Variants in LRRC8A observed in about 807,000 individuals in gnomAD.
The protein encoded by LRRC8A is volume-regulated anion channel subunit LRRC8A.
In LRRC8A, 24 loss-of-function variants were observed where a neutral mutation model predicts 52.5. The ratio of observed to expected loss-of-function variants is 0.46; its 90% CI spans 0.33 to 0.64. The LOEUF is 0.64. Ranked by LOEUF, LRRC8A falls within the 30% of genes least tolerant of loss-of-function variation. LRRC8A has a pLI of 0.02. For synonymous variants in LRRC8A, 492 were observed against 494.2 expected (o/e 1.00, Z 0.06); for missense variants, 677 against 1,094.7 (o/e 0.62, Z 5.38).
chr9:128,904,284 C>T (rs1176500465), intron 2 of LRRC8A, among the ~76,000 whole-genome samples: 2 of 152,056 alleles, frequency 1.3e-5, no homozygotes, highest in African/African-American at 2.4e-5. Flanking sequence ...TGTGGGAGGC[C>T]GTGGCAGGTG....
At chr9:128,906,512 C>T (rs1211362000) in intron 2 of LRRC8A, among the ~76,000 whole-genome samples, 3 of 151,780 alleles carry the variant, frequency 2.0e-5, no homozygotes, top group Admixed American at 6.6e-5. Flanking sequence ...TAGTAGAGAC[C>T]GAGTTTCACC....
At position 128,908,399 on chromosome 9, in the gene LRRC8A, C is replaced by T. The variant is rs371265409; in HGVS notation, c.1235C>T (p.Thr412Met). The T allele has an allele frequency of 6.8e-6, 11 of 1,613,606 alleles. No individual in the cohort carries two copies. Among genetic ancestry groups the T allele is most frequent in the African/African-American group, 2.7e-5 (2 of 74,932 alleles). Residue 412 changes from threonine to methionine, a missense_variant, in exon 3 of 4, where the codon ACG becomes ATG. Thr to Met is a moderately conservative substitution (Grantham distance 81). Around this residue, in one of 4 missense-constraint regions of LRRC8A, gnomAD observed 422 missense variants for 741.5 expected, o/e 0.57. Coordinates refer to ENST00000372600, the MANE Select transcript of LRRC8A (RefSeq NM_019594.4). ...LRQLNLNNEWTLDKLRQRLTK... is the reference protein window; with the variant it reads ...LRQLNLNNEWMLDKLRQRLTK... ...CAGCTGAACCTCAACAACGAGTGGA[C>T]GCTGGACAAGCTCCGGCAGCGGCTC...
At chr9:128,915,894 A>G (rs1840792875) in intron 3 of LRRC8A, among the ~76,000 whole-genome samples, 1 of 152,184 alleles carries the variant, frequency 6.6e-6, no homozygotes, top group South Asian at 2.1e-4. Context: ...AGATCAGGGA[A>G]GGCTTCCTGG....
At chr9:128,900,250 C>G (rs796689552) in intron 2 of LRRC8A, among the ~76,000 whole-genome samples, 14 of 152,376 alleles carry the variant, frequency 9.2e-5, no homozygotes, top group African/African-American at 3.4e-4. Flanking sequence ...CCCACCCCAC[C>G]TTGTCCCCTT....
chr9:128,890,656 G>C (rs1839579611), intron 2 of LRRC8A, among the ~76,000 whole-genome samples: 1 of 152,188 alleles, frequency 6.6e-6, no homozygotes, highest in Admixed American at 6.5e-5. Context: ...CCCTCTGTCA[G>C]ACCCCCCAGT....
intron 2 of LRRC8A, among the ~76,000 whole-genome samples, chr9:128,900,351 G>C (rs1839978455): frequency 1.3e-5 from 2 of 152,212 alleles, no homozygotes; most frequent in Admixed American, 6.5e-5. Context: ...TAGGTGCTGA[G>C]GAGGTGGAAG....
intron 3 of LRRC8A, among the ~76,000 whole-genome samples, chr9:128,914,339 C>G (rs1271419221): frequency 6.6e-6 from 1 of 152,046 alleles, no homozygotes; most frequent in Non-Finnish European, 1.5e-5. Flanking sequence ...AGCAGGTGCC[C>G]GTGAGGTTGA....
chr9:128,913,436 A>C (rs1445484524), intron 3 of LRRC8A, among the ~76,000 whole-genome samples: 1 of 152,162 alleles, frequency 6.6e-6, no homozygotes. Flanking sequence ...ATTGGGAACC[A>C]ACTTCAAGCC....
Position 128,907,456 on chromosome 9 carries a change from A to G in LRRC8A, c.292A>G (p.Lys98Glu), listed in dbSNP as rs1283771961. The G allele has an allele frequency of 1.2e-6, 2 of 1,613,878 alleles. No homozygotes were observed. Among genetic ancestry groups the G allele is most frequent in the East Asian group, 4.5e-5 (2 of 44,882 alleles). Residue 98 changes from lysine to glutamate, a missense_variant, in exon 3 of 4, where the codon AAG becomes GAG. Around this residue, in one of 4 missense-constraint regions of LRRC8A, gnomAD observed 54 missense variants for 49.7 expected, o/e 1.09. Transcript: ENST00000372600. This position sits in a 1 kb window ranked among gnomAD's most constrained non-coding sequence, Gnocchi z 9.3. ...CCCTGACACGGGCCCCACAGGCATCAAGTATGACCTGGACCGGCACCAGTA... is the reference window on the plus strand; with the variant it reads ...CCCTGACACGGGCCCCACAGGCATCGAGTATGACCTGGACCGGCACCAGTA... The part of the protein sequence containing the change: ...PTPDTGPTGI[K>E]YDLDRHQYNY...
At chr9:128,896,428 A>C (rs1332036509) in intron 2 of LRRC8A, among the ~76,000 whole-genome samples, 2 of 152,250 alleles carry the variant, frequency 1.3e-5, no homozygotes, top group African/African-American at 4.8e-5. Context: ...TCTAAGATGC[A>C]TAAATAATGA....
rs148149724 is a variant in LRRC8A, at chr9:128,911,974, T to C, written c.2157+2653T>C. On this transcript the variant is annotated intron_variant, in intron 3 of 3. Coordinates refer to ENST00000372600, the MANE Select transcript of LRRC8A (RefSeq NM_019594.4). This position sits in a 1 kb window ranked among gnomAD's most constrained non-coding sequence, Gnocchi z 4.9. ...GTGACCAGGAGGGGTGGGCGTGGCC[T>C]GCCCACGCCCTTGCGTGCTGTTTCT... 4.6e-5 allele frequency among the ~76,000 whole-genome samples: 7 copies of C among 152,360 alleles called. No individual in the cohort carries two copies. In the East Asian group the frequency reaches 1.3e-3, roughly 29 times the overall value.
rs1362318282 is a variant in LRRC8A, at chr9:128,907,884, C to A, written c.720C>A (p.Ala240=). 3 of 1,613,962 alleles carry A rather than the reference C, an allele frequency of 1.9e-6. No individual in the cohort carries two copies. The South Asian group carries it at 3.3e-5, about 18-fold the overall frequency. ...GVLDKKEGEQ[A]KALFEKVKKF... is the part of the protein sequence containing the mutation. ...TGGACAAGAAGGAGGGGGAGCAAGC[C>A]AAGGCGCTGTTTGAGAAGGTGAAGA... The change falls in exon 3 of 4, where the codon GCC becomes GCA. Residue 240 remains alanine, a synonymous_variant. Coordinates refer to ENST00000372600, the MANE Select transcript of LRRC8A (RefSeq NM_019594.4). The surrounding 1 kb of genome is among the most constrained non-coding windows in gnomAD (Gnocchi z 9.3).
Position 128,908,807 on chromosome 9 carries a change from T to A in LRRC8A, c.1643T>A (p.Val548Glu). The A allele has an allele frequency of 1.2e-6, 2 of 1,613,492 alleles. No homozygotes were observed. The highest frequency in any genetic ancestry group is 1.7e-6 in the Non-Finnish European group (2 of 1,180,016). ...CTGCGGGAGCTCAAACGCCTCAAGG[T>A]GCTGCGGCTCAAGAGCAACCTAAGC... ...DGLRELKRLKVLRLKSNLSKL... is the reference protein window; with the variant it reads ...DGLRELKRLKELRLKSNLSKL... Residue 548 changes from valine (V) to glutamate (E), a missense_variant, in exon 3 of 4, where the codon GTG becomes GAG. This residue lies in a region of LRRC8A where 422 missense variants were observed against 741.5 expected (regional missense o/e 0.57). Coordinates refer to ENST00000372600, the MANE Select transcript of LRRC8A (RefSeq NM_019594.4).
chr9:128,906,489 A>G (rs1458775030), intron 2 of LRRC8A, among the ~76,000 whole-genome samples: 3 of 151,994 alleles, frequency 2.0e-5, no homozygotes, highest in Non-Finnish European at 2.9e-5. Context: ...CGCCAGGCTA[A>G]TTTTTGTATT....
At chr9:128,894,621 C>T (rs756221712) in intron 2 of LRRC8A, among the ~76,000 whole-genome samples, 3 of 151,226 alleles carry the variant, frequency 2.0e-5, no homozygotes, top group Non-Finnish European at 2.9e-5. Flanking sequence ...GGCAAAACCC[C>T]ATCTCTAGTA....
rs370156656 is a variant in LRRC8A at position 128,906,132 on chromosome 9, CAT to C, written c.-8-1024_-8-1023del. Among the ~76,000 whole-genome samples the C allele has an allele frequency of 9.2e-5, 14 of 152,224 alleles. No homozygotes were observed. The South Asian group carries it at 1.2e-3, about 14-fold the overall frequency. ...TCTTGTACACACATAACTATACACA[CAT>C]GTGGAATTTTGTTGTTGAAGCAGGG... is the stretch of plus-strand genomic sequence containing the variant. On this transcript the variant is annotated intron_variant, in intron 2 of 3. Transcript: ENST00000372600.
chr9:128,902,978 G>T lies in LRRC8A; in HGVS notation c.-8-4179G>T, dbSNP rs1840085499. ...TGCACTCCCAGTCCTGTTTCTCTTGGCACCGCCTGGGTGAGACCTTGGGCA... is the reference window on the plus strand; with the variant it reads ...TGCACTCCCAGTCCTGTTTCTCTTGTCACCGCCTGGGTGAGACCTTGGGCA... On this transcript the variant is annotated intron_variant, in intron 2 of 3. Coordinates refer to ENST00000372600, the MANE Select transcript of LRRC8A (RefSeq NM_019594.4). This position sits in a 1 kb window ranked among gnomAD's most constrained non-coding sequence, Gnocchi z 4.1. 6.6e-6 allele frequency among the ~76,000 whole-genome samples: 1 copy of T among 152,172 alleles called. No individual in the cohort carries two copies. Among genetic ancestry groups the T allele is most frequent in the African/African-American group, 2.4e-5 (1 of 41,438 alleles).
Position 128,907,268 on chromosome 9 carries a change from T to G in LRRC8A, c.104T>G (p.Met35Arg). 6.2e-7 allele frequency: 1 copy of G among 1,614,108 alleles called. No individual in the cohort carries two copies. Among genetic ancestry groups the G allele is most frequent in the Non-Finnish European group, 8.5e-7 (1 of 1,180,030 alleles). ...TTCACAGACTACATCTCTATCGTCA[T>G]GCTGATGATTGCCGTCTTCGGGGGG... is the stretch of plus-strand genomic sequence containing the variant. The part of the protein sequence containing the change: ...DVFTDYISIV[M>R]LMIAVFGGTL... The change falls in exon 3 of 4, where the codon ATG (methionine) becomes AGG (arginine). Residue 35 changes from methionine to arginine, a missense_variant. Met to Arg is a moderately conservative substitution (Grantham distance 91). Around this residue, in one of 4 missense-constraint regions of LRRC8A, gnomAD observed 32 missense variants for 86.0 expected, o/e 0.37. Coordinates refer to ENST00000372600, the MANE Select transcript of LRRC8A (RefSeq NM_019594.4). The surrounding 1 kb of genome is among the most constrained non-coding windows in gnomAD (Gnocchi z 9.3).
At chr9:128,887,889 G>T (rs1289608914) in intron 2 of LRRC8A, among the ~76,000 whole-genome samples, 1 of 152,152 alleles carries the variant, frequency 6.6e-6, no homozygotes, top group South Asian at 2.1e-4. Context: ...GTGATCCGCC[G>T]CCTTGGCCTC....
Sources: allele counts gnomAD v4.1 joint callset (sites outside exome capture counted in the v4.1 genomes callset), GRCh38; gene constraint gnomAD v4.1.1; regional missense constraint gnomAD v4.1.1; non-coding constraint Gnocchi (gnomAD v3.1); transcripts MANE v1.5; gene names NCBI Gene and HGNC (gene_info 2026-07-23, HGNC 2026-07-21).